Variants in ROCK1 observed in about 807,000 individuals in gnomAD.
The protein encoded by ROCK1 is Rho associated coiled-coil containing protein kinase 1.
In ROCK1, 36 loss-of-function variants were observed where a neutral mutation model predicts 196.8. The observed-to-expected ratio is 0.18, with a 90% CI of 0.14 to 0.24. The LOEUF (loss-of-function observed/expected upper bound fraction) is 0.24. Among genes scored for constraint, ROCK1 ranks in the 10% least tolerant of loss-of-function variants. The pLI is 1.00. For missense variants in ROCK1, 920 were observed against 1,562.0 expected (o/e 0.59, Z 6.93); for synonymous variants, 443 against 515.9 (o/e 0.86, Z 1.91).
chr18:21,013,715 C>T (rs1469946674), intron 13 of ROCK1, among the ~76,000 whole-genome samples: 1 of 152,070 alleles, frequency 6.6e-6, no homozygotes, highest in Non-Finnish European at 1.5e-5. Context: ...GGGTGTGCTA[C>T]AGCATAGTGG....
chr18:20,956,345 T>C (rs1330308479), intron 29 of ROCK1, among the ~76,000 whole-genome samples: 2 of 151,960 alleles, frequency 1.3e-5, no homozygotes, highest in African/African-American at 4.8e-5. Flanking sequence ...AAATTGTTAT[T>C]ATATTATATT....
In ROCK1 at chr18:21,016,543, T is replaced by C. The variant is rs73431102; in HGVS notation, c.1362-1064A>G. Among the ~76,000 whole-genome samples, 944 of 152,330 alleles carry C rather than the reference T, an allele frequency of 6.2e-3. 10 individuals are homozygous for C. The highest frequency in any genetic ancestry group is 0.022 in the African/African-American group (906 of 41,572). On this transcript the variant is annotated intron_variant, in intron 12 of 32. Coordinates refer to ENST00000399799, the MANE Select transcript of ROCK1 (RefSeq NM_005406.3). ...TGCTTTCTTTGGTTCAAAATGTAAT[T>C]CTGAGCTTCAAAACCTATATATGCA...
chr18:21,008,134 G>A lies in ROCK1; in HGVS notation c.1471C>T (p.Leu491=), dbSNP rs138898226. Residue 491 remains leucine, a synonymous_variant, in exon 14 of 33, where the codon CTA becomes TTA. Coordinates refer to ENST00000399799, the MANE Select transcript of ROCK1 (RefSeq NM_005406.3). The part of the protein sequence containing the change: ...VSQIEKEKML[L]QHRINEYQRK... The stretch of plus-strand genomic sequence containing the variant: ...TGGTACTCATTAATTCTATGCTGTA[G>A]CAACATTTTCTCCTTCTCAATCTGA... 7 of 1,599,928 alleles carry A rather than the reference G, an allele frequency of 4.4e-6. No homozygotes were observed. The African/African-American group carries it at 6.7e-5, about 15-fold the overall frequency.
intron 25 of ROCK1, 22 bp downstream of exon 25, chr18:20,968,750 A>G: frequency 7.1e-7 from 1 of 1,407,474 alleles, no homozygotes; most frequent in South Asian, 1.2e-5. Flanking sequence ...GAACATGTGG[A>G]AAAGATCGAA....
At chr18:21,071,178 CTGCT>C (rs1263628629) in intron 1 of ROCK1, among the ~76,000 whole-genome samples, 11 of 121,460 alleles carry the variant, frequency 9.1e-5, no homozygotes, top group African/African-American at 2.1e-4. Context: ...TGCATTTTTT[CTGCT>C]TTTTTTTTTT....
At chr18:21,045,222 A>G in intron 5 of ROCK1, 70 bp downstream of exon 5, 1 of 1,356,134 alleles carries the variant, frequency 7.4e-7, no homozygotes, top group Non-Finnish European at 1.0e-6. Context: ...ACTGAGAGTA[A>G]GAAATGTTAA....
At chr18:21,007,718 A>G (rs769000412) in intron 14 of ROCK1, among the ~76,000 whole-genome samples, 1 of 152,184 alleles carries the variant, frequency 6.6e-6, no homozygotes, top group Admixed American at 6.5e-5. Context: ...GCTTGTAAAG[A>G]ATAATGATAC....
chr18:21,043,573 A>AATGTATATGTATATACATATACATAAT (rs2036128462), intron 6 of ROCK1, among the ~76,000 whole-genome samples: 1 of 144,640 alleles, frequency 6.9e-6, no homozygotes, highest in South Asian at 2.1e-4. Context: ...ACATATACAT[A>AATGTATATGTATATACATATACATAAT]ATGTATATGT....
intron 11 of ROCK1, among the ~76,000 whole-genome samples, chr18:21,022,411 T>C (rs564943405): frequency 2.8e-4 from 42 of 152,302 alleles, no homozygotes; most frequent in African/African-American, 1.0e-3. Context: ...CTAACTATAC[T>C]GGTTATTCTC....
chr18:21,102,993 T>C (rs577857082), intron 1 of ROCK1, among the ~76,000 whole-genome samples: 35 of 152,234 alleles, frequency 2.3e-4, no homozygotes, highest in Non-Finnish European at 4.1e-4. Flanking sequence ...ATAACACAAG[T>C]ATAAGATAAA....
chr18:21,002,476 A>AT (rs1301801485), intron 16 of ROCK1, among the ~76,000 whole-genome samples: 1 of 152,346 alleles, frequency 6.6e-6, no homozygotes, highest in Non-Finnish European at 1.5e-5. Flanking sequence ...TGCCTGGGAA[A>AT]TAACTCACTG....
In ROCK1 at chr18:21,076,194, C is replaced by T. The variant is rs143769332; in HGVS notation, c.94-5581G>A. On this transcript the variant is annotated intron_variant, in intron 1 of 32. Coordinates refer to ENST00000399799, the MANE Select transcript of ROCK1 (RefSeq NM_005406.3). ...CGCACAACAACGTGAATGATTAATG[C>T]CACAGAACTATACATTTAGAATCAG... Among the ~76,000 whole-genome samples the T allele has an allele frequency of 1.4e-3, 213 of 152,246 alleles. 2 individuals are homozygous for T. The highest frequency in any genetic ancestry group is 3.7e-4 in the Non-Finnish European group (25 of 68,010).
At chr18:20,964,315 T>C (rs560222186) in intron 27 of ROCK1, among the ~76,000 whole-genome samples, 2 of 152,288 alleles carry the variant, frequency 1.3e-5, no homozygotes, top group South Asian at 2.1e-4. Flanking sequence ...TTGAATGATA[T>C]GTAACTATCT....
intron 8 of ROCK1, among the ~76,000 whole-genome samples, chr18:21,040,063 A>C (rs2036091975): frequency 6.6e-6 from 1 of 152,224 alleles, no homozygotes; most frequent in Middle Eastern, 3.2e-3. Context: ...CGTCTCAAAA[A>C]AAAGAAAACT....
chr18:21,107,384 T>C (rs2036711947), intron 1 of ROCK1, among the ~76,000 whole-genome samples: 1 of 152,060 alleles, frequency 6.6e-6, no homozygotes, highest in Non-Finnish European at 1.5e-5. Context: ...GTAAAGGAGG[T>C]AGAGAAGAAA....
At chr18:21,013,879 G>C (rs1422555295) in intron 13 of ROCK1, among the ~76,000 whole-genome samples, 1 of 152,014 alleles carries the variant, frequency 6.6e-6, no homozygotes, top group African/African-American at 2.4e-5. Context: ...GGCTAATACA[G>C]TGAAACCCCA....
At chr18:21,059,101 T>C (rs2036267805) in intron 2 of ROCK1, among the ~76,000 whole-genome samples, 1 of 152,118 alleles carries the variant, frequency 6.6e-6, no homozygotes, top group Non-Finnish European at 1.5e-5. Flanking sequence ...TATATATATA[T>C]CATTAGTGAC....
chr18:21,080,977 AAC>A (rs551734764), intron 1 of ROCK1, among the ~76,000 whole-genome samples: 3 of 152,292 alleles, frequency 2.0e-5, no homozygotes, highest in Non-Finnish European at 4.4e-5. Flanking sequence ...TTAATAAAAA[AAC>A]AGAGGACATG....
intron 4 of ROCK1, among the ~76,000 whole-genome samples, chr18:21,047,259 AGTG>A (rs2036168443): frequency 6.6e-6 from 1 of 152,184 alleles, no homozygotes; most frequent in African/African-American, 2.4e-5. Context: ...GTTGTTAACT[AGTG>A]GTGAAAACAT....
Sources: gnomAD v4.1 joint callset for allele counts (sites outside exome capture counted in the v4.1 genomes callset) on GRCh38, gnomAD v4.1.1 for gene constraint, MANE v1.5 for transcripts, NCBI Gene and HGNC (gene_info 2026-07-23, HGNC 2026-07-21) for gene names.